The following BAZ2A variants were observed in gnomAD, a reference collection of about 807,000 sequenced individuals.
The protein encoded by BAZ2A is bromodomain adjacent to zinc finger domain protein 2A.
BAZ2A carries 34 observed loss-of-function variants against 199.9 expected under a neutral mutation model. The ratio of observed to expected loss-of-function variants is 0.17; its 90% CI spans 0.13 to 0.23. The LOEUF is 0.23. Among genes scored for constraint, BAZ2A ranks in the 10% least tolerant of loss-of-function variants. BAZ2A has a pLI of 1.00. For synonymous variants in BAZ2A, 857 were observed against 883.9 expected (o/e 0.97, Z 0.54); for missense variants, 2,002 against 2,391.1 (o/e 0.84, Z 3.39).
rs1951261952 is a variant in BAZ2A, at chr12:56,630,200, G to A, written c.-78C>T. 4.1e-6 allele frequency: 4 copies of A among 985,594 alleles called. No individual in the cohort carries two copies. Among genetic ancestry groups the A allele is most frequent in the Non-Finnish European group, 4.8e-6 (4 of 830,032 alleles). The allele number at this position is 985,594 out of a possible 1,614,324, so 61.1% of individuals were successfully genotyped here. A position where few individuals can be genotyped will look rare whatever the true frequency, so the allele number is the denominator to read the frequency against. ...CAAGCGGTTCACATGGCCGCGCTCC[G>A]GGCGCCAGAACGGGTGGAGACGCCC... On this transcript the variant is annotated 5_prime_UTR_variant, in exon 1 of 29. Coordinates refer to ENST00000549884, the MANE Select transcript of BAZ2A (RefSeq NM_001300905.2).
At chr12:56,599,668 T>C (rs1298337481) in intron 26 of BAZ2A, 34 bp downstream of exon 26, 5 of 1,611,948 alleles carry the variant, frequency 3.1e-6, no homozygotes, top group Non-Finnish European at 4.2e-6. Context: ...CTGATTTCTG[T>C]TTGAGTGTGG....
At position 56,601,038 on chromosome 12, in the gene BAZ2A, G is replaced by A. The variant is rs758407544; in HGVS notation, c.4355C>T (p.Ala1452Val). 1.9e-6 allele frequency: 3 copies of A among 1,610,816 alleles called. No individual in the cohort carries two copies. Among genetic ancestry groups the A allele is most frequent in the South Asian group, 2.2e-5 (2 of 90,690 alleles). Residue 1452 changes from alanine to valine, a missense_variant, in exon 22 of 29, where the codon GCC (alanine) becomes GTC (valine). Ala to Val is a moderately conservative substitution (Grantham distance 64). This residue lies in a region of BAZ2A where 1,081 missense variants were observed against 1,274.7 expected (regional missense o/e 0.85). Coordinates refer to ENST00000549884, the MANE Select transcript of BAZ2A (RefSeq NM_001300905.2). Reference protein sequence around the residue: ...DPEMLDAMLKALHPRGIREKA... With the variant: ...DPEMLDAMLKVLHPRGIREKA... ...CTCCCGGATACCTCGGGGGTGTAGG[G>A]CCTTGAGCATGGCATCCAACATCTC...
In BAZ2A at chr12:56,601,761, G is replaced by A; in HGVS notation, c.3856C>T (p.Leu1286Phe). ...SHSSLLSSSV[L>F]TPDSSPGKLD... Reference sequence around the variant, plus strand: ...TTTCCCGGACTGCTATCAGGTGTGAGGACTGAGCTGCTCAACAGGGAGCTA... The same window carrying A: ...TTTCCCGGACTGCTATCAGGTGTGAAGACTGAGCTGCTCAACAGGGAGCTA... The change falls in exon 20 of 29, where the codon CTC becomes TTC. Residue 1286 changes from leucine to phenylalanine, a missense_variant. By Grantham distance (22) the Leu-to-Phe change is conservative. Around this residue, in one of 6 missense-constraint regions of BAZ2A, gnomAD observed 1,081 missense variants for 1,274.7 expected, o/e 0.85. Coordinates refer to ENST00000549884, the MANE Select transcript of BAZ2A (RefSeq NM_001300905.2). 16 of 1,614,010 alleles carry A rather than the reference G, an allele frequency of 9.9e-6. No homozygotes were observed. Among genetic ancestry groups the A allele is most frequent in the Middle Eastern group, 1.6e-4 (1 of 6,062 alleles).
At position 56,604,498 on chromosome 12, in the gene BAZ2A, T is replaced by C. The variant is rs1331209819; in HGVS notation, c.2963+87A>G. ...TTCAGAACATGGCAGTGAACACACA[T>C]TTCTGAGGACTTCTGGAAGGCTACA... is the stretch of plus-strand genomic sequence containing the variant. On this transcript the variant is annotated intron_variant, in intron 15 of 28. Transcript: ENST00000549884. 2.8e-6 allele frequency: 4 copies of C among 1,428,614 alleles called. No individual in the cohort carries two copies. The African/African-American group carries it at 5.7e-5, about 20-fold the overall frequency. The allele number at this position is 1,428,614 out of a possible 1,614,324, so 88.5% of individuals were successfully genotyped here. A position where few individuals can be genotyped will look rare whatever the true frequency, so the allele number is the denominator to read the frequency against.
chr12:56,632,439 G>T (rs1951338619), upstream of BAZ2A, among the ~76,000 whole-genome samples: 1 of 152,068 alleles, frequency 6.6e-6, no homozygotes, highest in Admixed American at 6.5e-5. Context: ...GACTGGGCAG[G>T]CAGGGGAGGA....
upstream of BAZ2A, chr12:56,634,872 G>A: frequency 1.0e-6 from 1 of 972,658 alleles, no homozygotes; most frequent in Non-Finnish European, 1.2e-6. Context: ...GGGCAGCAGG[G>A]ATCCCGGGGC....
chr12:56,621,711 C>CA (rs1443960069), intron 1 of BAZ2A, among the ~76,000 whole-genome samples: 1 of 151,294 alleles, frequency 6.6e-6, no homozygotes, highest in African/African-American at 2.4e-5. Context: ...CTTCTTGAGA[C>CA]AGAGTCTCAC....
chr12:56,606,977 G>C (rs1051098074), intron 10 of BAZ2A, among the ~76,000 whole-genome samples: 2 of 151,968 alleles, frequency 1.3e-5, no homozygotes, highest in Admixed American at 6.6e-5. Context: ...ACCAGCCCCT[G>C]GCTCCAATCA....
At chr12:56,626,837 G>C (rs1951109555) in intron 1 of BAZ2A, among the ~76,000 whole-genome samples, 1 of 152,176 alleles carries the variant, frequency 6.6e-6, no homozygotes, top group African/African-American at 2.4e-5. Flanking sequence ...GGTAAGCAAA[G>C]GCTGAAGAAA....
Position 56,597,751 on chromosome 12 carries a change from C to G in BAZ2A, c.*867G>C, listed in dbSNP as rs1430191960. ...CACCCAAACTCAGCAGTAGTTGTCC[C>G]TGAGGAGTTCCCAAGAGGGTTTGGG... On this transcript the variant is annotated 3_prime_UTR_variant, in exon 29 of 29. Transcript: ENST00000549884. The G allele has an allele frequency of 6.6e-6, 1 of 152,664 alleles. No homozygotes were observed. The highest frequency in any genetic ancestry group is 1.5e-5 in the Non-Finnish European group (1 of 68,196). The allele number at this position is 152,664 out of a possible 1,614,324, so 9.5% of individuals were successfully genotyped here.
intron 1 of BAZ2A, among the ~76,000 whole-genome samples, chr12:56,625,855 G>A (rs1487744398): frequency 5.0e-5 from 6 of 119,464 alleles, no homozygotes; most frequent in Non-Finnish European, 9.5e-5. Flanking sequence ...CAGCCTGGGC[G>A]ACACAGCGAA....
At chr12:56,616,527 G>C (rs893873345) in intron 2 of BAZ2A, among the ~76,000 whole-genome samples, 1 of 152,040 alleles carries the variant, frequency 6.6e-6, no homozygotes, top group Non-Finnish European at 1.5e-5. Context: ...TGGCGGGGTA[G>C]GGGGGGCACT....
upstream of BAZ2A, among the ~76,000 whole-genome samples, chr12:56,632,223 C>G (rs1234647226): frequency 6.6e-6 from 1 of 152,132 alleles, no homozygotes; most frequent in Non-Finnish European, 1.5e-5. Flanking sequence ...AGGGCTCTGG[C>G]AAACTTCTGC....
chr12:56,607,279 A>T (rs1950392204), intron 10 of BAZ2A, among the ~76,000 whole-genome samples: 1 of 152,234 alleles, frequency 6.6e-6, no homozygotes, highest in Non-Finnish European at 1.5e-5. Context: ...CTTCACTAAA[A>T]GTTCTGAATT....
At chr12:56,630,726 C>G (rs550518552), upstream of BAZ2A, 3 of 946,344 alleles carry the variant, frequency 3.2e-6, no homozygotes, top group South Asian at 1.5e-4. Flanking sequence ...TCACTCAGGT[C>G]GCGATTCAGT....
At chr12:56,629,883 C>G (rs1259337947) in intron 1 of BAZ2A, 1 of 168,130 alleles carries the variant, frequency 5.9e-6, no homozygotes, top group African/African-American at 2.4e-5. Context: ...GCCCCTACAG[C>G]TCCTCCTGCC....
At position 56,595,820 on chromosome 12, in the gene BAZ2A, A is replaced by C. The variant is rs1885733019; in HGVS notation, c.*2798T>G. 6.6e-6 allele frequency: 1 copy of C among 152,554 alleles called. No individual in the cohort carries two copies. Among genetic ancestry groups the C allele is most frequent in the Non-Finnish European group, 1.5e-5 (1 of 68,042 alleles). The allele number at this position is 152,554 out of a possible 1,614,324, so 9.5% of individuals were successfully genotyped here. A position where few individuals can be genotyped will look rare whatever the true frequency, so the allele number is the denominator to read the frequency against. On this transcript the variant is annotated 3_prime_UTR_variant, in exon 29 of 29. Coordinates refer to ENST00000549884, the MANE Select transcript of BAZ2A (RefSeq NM_001300905.2). ...ATCCACACAGAGGGTATGGAACAGG[A>C]GCCCCTGTTGTTCCCTTGCCTGTGG...
In BAZ2A at chr12:56,601,271, C is replaced by G; in HGVS notation, c.4203G>C (p.Gln1401His). 1.2e-6 allele frequency: 2 copies of G among 1,614,062 alleles called. No individual in the cohort carries two copies. The highest frequency in any genetic ancestry group is 1.7e-6 in the Non-Finnish European group (2 of 1,179,908). ...TGGGAGGTCTCCCTCTCCGTTTGGG[C>G]TGTCCCAGCCCTGTGGGACTCTGTG... ...EMPQSPTGLG[Q>H]PKRRGRPPSK... The change falls in exon 21 of 29, where the codon CAG becomes CAC. Residue 1401 changes from glutamine (Q) to histidine (H), a missense_variant. Physicochemically the swap from Gln to His is conservative, Grantham distance 24. Around this residue, in one of 6 missense-constraint regions of BAZ2A, gnomAD observed 1,081 missense variants for 1,274.7 expected, o/e 0.85. Coordinates refer to ENST00000549884, the MANE Select transcript of BAZ2A (RefSeq NM_001300905.2).
chr12:56,633,673 T>A (rs1042327707), upstream of BAZ2A, among the ~76,000 whole-genome samples: 1 of 151,558 alleles, frequency 6.6e-6, no homozygotes, highest in Non-Finnish European at 1.5e-5. Flanking sequence ...CTGGGAAGGC[T>A]AGATTCTCCC....
Sources: allele counts gnomAD v4.1 joint callset (sites outside exome capture counted in the v4.1 genomes callset), GRCh38; gene constraint gnomAD v4.1.1; regional missense constraint gnomAD v4.1.1; transcripts MANE v1.5; gene names NCBI Gene and HGNC (gene_info 2026-07-23, HGNC 2026-07-21).